PPM1G: variants seen among roughly 807,000 people sequenced by gnomAD.
PPM1G encodes the protein protein phosphatase 1G.
A neutral mutation model predicts 59.4 loss-of-function variants in PPM1G; 12 were observed. That is an observed-to-expected ratio of 0.20 (90% confidence interval 0.13 to 0.33). The LOEUF (loss-of-function observed/expected upper bound fraction) is 0.33, where lower values mean the gene tolerates loss of function less well. Ranked by LOEUF, PPM1G falls within the 10% of genes least tolerant of loss-of-function variation. The probability of loss-of-function intolerance (pLI) is 1.00; values close to 1 mark genes in which losing one functional copy is unlikely to be tolerated. For synonymous variants in PPM1G, 245 were observed against 251.9 expected, an observed-to-expected ratio of 0.97 and a Z score of 0.26; for missense variants, 392 against 681.3, an observed-to-expected ratio of 0.58 and a Z score of 4.73.
intron 1 of PPM1G, among the ~76,000 whole-genome samples, chr2:27,402,810 AAAT>A (rs1684211946): frequency 4.9e-5 from 1 of 20,436 alleles, no homozygotes; most frequent in Non-Finnish European, 9.1e-5. Flanking sequence ...CCATCTCAAT[AAAT>A]AAATAAATAA....
At chr2:27,400,093 G>A (rs957543222) in intron 1 of PPM1G, among the ~76,000 whole-genome samples, 1 of 152,048 alleles carries the variant, frequency 6.6e-6, no homozygotes, top group African/African-American at 2.4e-5. Context: ...CAACATTGAT[G>A]ACCCTTAAAA....
In PPM1G at chr2:27,385,324, CCT is replaced by C; in HGVS notation, c.410-238_410-237del. ...AAACAACACTAGTTACTATACTTCC[CCT>C]CTGACGTCTCATTTTTTATTGTTAA... is the stretch of plus-strand genomic sequence containing the variant. On this transcript the variant is annotated intron_variant, in intron 4 of 9. Coordinates refer to ENST00000344034, the MANE Select transcript of PPM1G (RefSeq NM_177983.3). The surrounding 1 kb of genome is among the most constrained non-coding windows in gnomAD (Gnocchi z 4.1). 2 of 483,490 alleles carry C rather than the reference CCT, an allele frequency of 4.1e-6. No individual in the cohort carries two copies. The highest frequency in any genetic ancestry group is 7.2e-6 in the Non-Finnish European group (2 of 278,434). The allele number at this position is 483,490 out of a possible 1,614,324, so 29.9% of individuals were successfully genotyped here.
At position 27,382,039 on chromosome 2, in the gene PPM1G, T is replaced by C. The variant is rs1683645332; in HGVS notation, c.1434+87A>G. The C allele has an allele frequency of 6.0e-6, 8 of 1,333,832 alleles. No individual in the cohort carries two copies. The highest frequency in any genetic ancestry group is 1.2e-5 in the South Asian group (1 of 83,494). 82.6% of individuals were successfully genotyped at this position (1,333,832 alleles called of 1,614,324 possible). A position where few individuals can be genotyped will look rare whatever the true frequency, so the allele number is the denominator to read the frequency against. ...GTCTGTCAGCAATTACTGATAATGCTCCCAGATTGCCGACTTAGCTCAGAT... is the reference window on the plus strand; with the variant it reads ...GTCTGTCAGCAATTACTGATAATGCCCCCAGATTGCCGACTTAGCTCAGAT... On this transcript the variant is annotated intron_variant, in intron 9 of 9. Coordinates refer to ENST00000344034, the MANE Select transcript of PPM1G (RefSeq NM_177983.3). The surrounding 1 kb of genome is among the most constrained non-coding windows in gnomAD (Gnocchi z 4.2).
chr2:27,408,026 A>G (rs1426727135), intron 1 of PPM1G, among the ~76,000 whole-genome samples: 1 of 152,090 alleles, frequency 6.6e-6, no homozygotes. Context: ...CAGCCTGGGC[A>G]ACAAGAGCGA....
Position 27,383,753 on chromosome 2 carries a change from G to A in PPM1G, c.967-153C>T, listed in dbSNP as rs1180583682. On this transcript the variant is annotated intron_variant, in intron 6 of 9. Transcript: ENST00000344034. This position sits in a 1 kb window ranked among gnomAD's most constrained non-coding sequence, Gnocchi z 5.0. ...CACACATTTCATCTTTCTAGAGACA[G>A]CAGCACACTCCCTCTCCCTTGTTTT... 6.6e-6 allele frequency among the ~76,000 whole-genome samples: 1 copy of A among 152,168 alleles called. No homozygotes were observed. Among genetic ancestry groups the A allele is most frequent in the Non-Finnish European group, 1.5e-5 (1 of 68,046 alleles).
chr2:27,407,637 A>G (rs1223454220), intron 1 of PPM1G, among the ~76,000 whole-genome samples: 1 of 152,208 alleles, frequency 6.6e-6, no homozygotes, highest in Non-Finnish European at 1.5e-5. Flanking sequence ...TATGAATGCT[A>G]TGCTTCAGTT....
chr2:27,394,833 C>T (rs1371339567), intron 1 of PPM1G, among the ~76,000 whole-genome samples: 2 of 151,472 alleles, frequency 1.3e-5, no homozygotes, highest in African/African-American at 4.9e-5. Flanking sequence ...GTTTTTCCTG[C>T]ACACAATGGC....
rs1683954482 is a variant in PPM1G, at chr2:27,393,047, A to G, written c.121-5889T>C. On this transcript the variant is annotated intron_variant, in intron 1 of 9. Transcript: ENST00000344034. ...AATGCAAAATGCACAATTTTTTCCA[A>G]ATGTAATCCATCGCATTCAGCCCGC... is the stretch of plus-strand genomic sequence containing the variant. 7 of 1,351,102 alleles carry G rather than the reference A, an allele frequency of 5.2e-6. No homozygotes were observed. In the South Asian group the frequency reaches 8.1e-5, roughly 16 times the overall value. 83.7% of individuals were successfully genotyped at this position (1,351,102 alleles called of 1,614,324 possible). A position where few individuals can be genotyped will look rare whatever the true frequency, so the allele number is the denominator to read the frequency against.
Position 27,409,361 on chromosome 2 carries a change from G to A in PPM1G, c.62C>T (p.Pro21Leu). The change falls in exon 1 of 10, where the codon CCG becomes CTG. Residue 21 changes from proline (P) to leucine (L), a missense_variant. Pro to Leu is a moderately conservative substitution (Grantham distance 98). Transcript: ENST00000344034. ...VKCSGDGVGA[P>L]RLPLPYGFSA... Reference sequence around the variant, plus strand: ...GAAGCCGTAGGGCAGCGGCAGGCGCGGGGCGCCGACCCCGTCCCCGGAGCA... The same window carrying A: ...GAAGCCGTAGGGCAGCGGCAGGCGCAGGGCGCCGACCCCGTCCCCGGAGCA... The A allele has an allele frequency of 6.5e-7, 1 of 1,541,836 alleles. No individual in the cohort carries two copies. The highest frequency in any genetic ancestry group is 8.7e-7 in the Non-Finnish European group (1 of 1,143,542).
Position 27,381,447 on chromosome 2 carries a change from G to C in PPM1G, c.*152C>G. The C allele has an allele frequency of 1.3e-6, 1 of 792,574 alleles. No individual in the cohort carries two copies. Among genetic ancestry groups the C allele is most frequent in the Non-Finnish European group, 2.1e-6 (1 of 485,432 alleles). The allele number at this position is 792,574 out of a possible 1,614,324, so 49.1% of individuals were successfully genotyped here. On this transcript the variant is annotated 3_prime_UTR_variant, in exon 10 of 10. Coordinates refer to ENST00000344034, the MANE Select transcript of PPM1G (RefSeq NM_177983.3). ...GAGGCTCCCGGCTGCAGTGTGGAGG[G>C]AGAGCCCTCTTTGGAATGGGCGGAG...
chr2:27,387,900 G>A (rs974435605), intron 1 of PPM1G, among the ~76,000 whole-genome samples: 16 of 152,164 alleles, frequency 1.1e-4, no homozygotes, highest in African/African-American at 3.9e-4. Context: ...CCAGGTTCAC[G>A]CCATTCTCCT....
At chr2:27,399,170 C>CAACAACAACAAA (rs1450633641) in intron 1 of PPM1G, among the ~76,000 whole-genome samples, 3 of 151,666 alleles carry the variant, frequency 2.0e-5, no homozygotes, top group Admixed American at 1.3e-4. Flanking sequence ...ACAACAACAA[C>CAACAACAACAAA]AAAAACAAAA....
At chr2:27,390,047 G>A (rs1683861798) in intron 1 of PPM1G, among the ~76,000 whole-genome samples, 1 of 148,820 alleles carries the variant, frequency 6.7e-6, no homozygotes, top group African/African-American at 2.5e-5. Flanking sequence ...TTTTTTTTGA[G>A]ATGGAGTCTC....
chr2:27,389,214 T>G (rs1683839677), intron 1 of PPM1G, among the ~76,000 whole-genome samples: 1 of 152,226 alleles, frequency 6.6e-6, no homozygotes, highest in Admixed American at 6.5e-5. Flanking sequence ...AAGCCCTTTG[T>G]AAACTGGAAT....
rs113733929 is a variant in PPM1G at position 27,390,209 on chromosome 2, G to A, written c.121-3051C>T. Among the ~76,000 whole-genome samples the A allele has an allele frequency of 6.3e-4, 96 of 152,120 alleles. 1 individual carries two copies. The highest frequency in any genetic ancestry group is 2.1e-3 in the African/African-American group (86 of 41,498). ...CAATTTTTGTATTTTCAGTAGAGAC[G>A]GGGCTTCACCATGTTGCCCAGGCTC... On this transcript the variant is annotated intron_variant, in intron 1 of 9. Coordinates refer to ENST00000344034, the MANE Select transcript of PPM1G (RefSeq NM_177983.3).
At chr2:27,392,758 T>C in intron 1 of PPM1G, 2 of 1,364,668 alleles carry the variant, frequency 1.5e-6, no homozygotes, top group Admixed American at 1.7e-5. Flanking sequence ...AGTCACCCTA[T>C]GGCTATGGGG....
Position 27,384,070 on chromosome 2 carries a change from C to A in PPM1G, c.848G>T (p.Gly283Val). 6.2e-7 allele frequency: 1 copy of A among 1,613,972 alleles called. No individual in the cohort carries two copies. Among genetic ancestry groups the A allele is most frequent in the Non-Finnish European group, 8.5e-7 (1 of 1,179,936 alleles). The change falls in exon 6 of 10, where the codon GGC (glycine) becomes GTC (valine). Residue 283 changes from glycine to valine, a missense_variant. Around this residue, in one of 6 missense-constraint regions of PPM1G, gnomAD observed 188 missense variants for 248.8 expected, o/e 0.76. Coordinates refer to ENST00000344034, the MANE Select transcript of PPM1G (RefSeq NM_177983.3). The surrounding 1 kb of genome is among the most constrained non-coding windows in gnomAD (Gnocchi z 4.8). ...ATTCTCTGCCTCCTCACTGCTGTAG[C>A]CATCCTCTTCCTCGCTGCATTCCTG... ...DSEECSEEED[G>V]YSSEEAENEE... is the part of the protein sequence containing the mutation.
In PPM1G at chr2:27,384,238, A is replaced by G; in HGVS notation, c.826-146T>C. On this transcript the variant is annotated intron_variant, in intron 5 of 9. Coordinates refer to ENST00000344034, the MANE Select transcript of PPM1G (RefSeq NM_177983.3). The surrounding 1 kb of genome is among the most constrained non-coding windows in gnomAD (Gnocchi z 4.8). ...GTATATGGTCATGAAAATTGGGGGG[A>G]TGGAAAGGGCTAGCATGAGTACAAC... is the stretch of plus-strand genomic sequence containing the variant. The G allele has an allele frequency of 7.3e-7, 1 of 1,373,250 alleles. No individual in the cohort carries two copies. Among genetic ancestry groups the G allele is most frequent in the Non-Finnish European group, 9.9e-7 (1 of 1,014,102 alleles). The allele number at this position is 1,373,250 out of a possible 1,614,324, so 85.1% of individuals were successfully genotyped here. A position where few individuals can be genotyped will look rare whatever the true frequency, so the allele number is the denominator to read the frequency against.
At chr2:27,388,874 CAAA>C (rs376279784) in intron 1 of PPM1G, among the ~76,000 whole-genome samples, 10 of 116,856 alleles carry the variant, frequency 8.6e-5, no homozygotes, top group Admixed American at 8.8e-5. Flanking sequence ...GACTCCGTCT[CAAA>C]AAAAAAAAAA....
Sources: allele counts gnomAD v4.1 joint callset (sites outside exome capture counted in the v4.1 genomes callset), GRCh38; gene constraint gnomAD v4.1.1; regional missense constraint gnomAD v4.1.1; non-coding constraint Gnocchi (gnomAD v3.1); transcripts MANE v1.5; gene names NCBI Gene and HGNC (gene_info 2026-07-23, HGNC 2026-07-21).